The following ADA2 variants were observed in gnomAD, a reference collection of about 807,000 sequenced individuals.
ADA2 encodes the protein adenosine deaminase CECR1.
ADA2 carries 29 observed loss-of-function variants against 44.2 expected under a neutral mutation model. That is an observed-to-expected ratio of 0.66 (90% CI 0.49 to 0.89). ADA2 has a LOEUF of 0.89. ADA2 is among the 40% of genes least tolerant of loss of function. ADA2 has a pLI of 0.00. For synonymous variants in ADA2, 215 were observed against 234.9 expected (o/e 0.92, Z 0.77); for missense variants, 637 against 644.8 (o/e 0.99, Z 0.13).
At chr22:17,216,865 G>A (rs1343285036) in intron 1 of ADA2, among the ~76,000 whole-genome samples, 18 of 151,380 alleles carry the variant, frequency 1.2e-4, no homozygotes, top group African/African-American at 3.6e-4. Flanking sequence ...TATAACCAGA[G>A]CACAAGATCA....
intron 1 of ADA2, among the ~76,000 whole-genome samples, chr22:17,216,651 T>C (rs1431554393): frequency 2.0e-5 from 3 of 150,954 alleles, no homozygotes; most frequent in Admixed American, 6.6e-5. Context: ...TCCCAGCTAC[T>C]TGGGAGGCTG....
upstream of ADA2, among the ~76,000 whole-genome samples, chr22:17,220,859 G>T (rs2062517863): frequency 6.6e-6 from 1 of 152,160 alleles, no homozygotes; most frequent in African/African-American, 2.4e-5. Flanking sequence ...ACACAGAGGG[G>T]TCAGGGATTC....
At chr22:17,191,484 T>G (rs2062113849) in intron 5 of ADA2, among the ~76,000 whole-genome samples, 199 bp downstream of exon 5, 1 of 152,162 alleles carries the variant, frequency 6.6e-6, no homozygotes, top group Non-Finnish European at 1.5e-5. Flanking sequence ...TAGAAGTGGC[T>G]TCAGGCAGCA....
intron 5 of ADA2, among the ~76,000 whole-genome samples, chr22:17,191,225 A>G (rs1224588176): frequency 6.6e-6 from 1 of 152,224 alleles, no homozygotes; most frequent in African/African-American, 2.4e-5. Flanking sequence ...CGCACATGGT[A>G]CTACTGGAGG....
At chr22:17,207,346 C>T in intron 2 of ADA2, 56 bp from the exon 3 acceptor site, 2 of 1,322,458 alleles carry the variant, frequency 1.5e-6, no homozygotes, top group East Asian at 2.3e-5. Context: ...TCCCAGGACT[C>T]CAGGGCTTGG....
At chr22:17,189,620 G>A (rs1055739521) in intron 6 of ADA2, among the ~76,000 whole-genome samples, 6 of 152,196 alleles carry the variant, frequency 3.9e-5, no homozygotes, top group African/African-American at 1.4e-4. Context: ...AAGGGCACAG[G>A]CAGGGCCATG....
chr22:17,214,137 C>T, intron 1 of ADA2: 1 of 740,460 alleles, frequency 1.4e-6, no homozygotes, highest in South Asian at 1.4e-5. Flanking sequence ...ATTACATTCC[C>T]AGAGTCAGCT....
At chr22:17,192,128 A>G (rs2062124292) in intron 4 of ADA2, among the ~76,000 whole-genome samples, 1 of 151,986 alleles carries the variant, frequency 6.6e-6, no homozygotes, top group South Asian at 2.1e-4. Flanking sequence ...GCCAGGCTGG[A>G]CTTGTGCTTC....
intron 7 of ADA2, among the ~76,000 whole-genome samples, chr22:17,187,665 T>TAAAAAA (rs34113994): frequency 7.3e-6 from 1 of 136,824 alleles, no homozygotes; most frequent in Non-Finnish European, 1.6e-5. Flanking sequence ...CACGAAAAAT[T>TAAAAAA]AAAAAAAAAA....
chr22:17,189,539 C>A (rs1383536113), intron 6 of ADA2, among the ~76,000 whole-genome samples: 1 of 152,170 alleles, frequency 6.6e-6, no homozygotes, highest in Non-Finnish European at 1.5e-5. Flanking sequence ...CCCCAGTCCC[C>A]ACCCCGCGTG....
At chr22:17,183,908 A>T (rs564239105) in intron 7 of ADA2, among the ~76,000 whole-genome samples, 2 of 150,404 alleles carry the variant, frequency 1.3e-5, no homozygotes, top group East Asian at 3.9e-4. Flanking sequence ...ATGACCGCAG[A>T]CAGTCTTGTG....
At chr22:17,219,244 C>T (rs1181475359) in intron 1 of ADA2, 112 bp downstream of exon 1, 1 of 152,304 alleles carries the variant, frequency 6.6e-6, no homozygotes, top group African/African-American at 2.4e-5. Flanking sequence ...GAGTCTCAGA[C>T]CCAGCTCAGA....
At position 17,179,553 on chromosome 22, in the gene ADA2, G is replaced by GAACTTGA. The variant is rs1262417825; in HGVS notation, c.*1923_*1929dup. On this transcript the variant is annotated 3_prime_UTR_variant, in exon 10 of 10. Coordinates refer to ENST00000399837, the MANE Select transcript of ADA2 (RefSeq NM_001282225.2). ...GAAAACCTCTCTGAGACAGTGACAT[G>GAACTTGA]AACTTGAAACTTGAAGGGTAAACAG... 1 of 152,274 alleles carries GAACTTGA rather than the reference G, an allele frequency of 6.6e-6. No homozygotes were observed. Among genetic ancestry groups the GAACTTGA allele is most frequent in the Non-Finnish European group, 1.5e-5 (1 of 68,080 alleles). The allele number at this position is 152,274 out of a possible 1,614,324, so 9.4% of individuals were successfully genotyped here.
intron 2 of ADA2, 71 bp downstream of exon 2, chr22:17,209,285 G>T: frequency 7.9e-7 from 1 of 1,261,546 alleles, no homozygotes; most frequent in Non-Finnish European, 1.1e-6. Context: ...ACAGCCACAA[G>T]CACAGTAATA....
At chr22:17,204,129 C>A (rs1457327524) in intron 3 of ADA2, among the ~76,000 whole-genome samples, 1 of 151,822 alleles carries the variant, frequency 6.6e-6, no homozygotes, top group Non-Finnish European at 1.5e-5. Context: ...CTCTTTTTTT[C>A]TTCCTATACC....
At chr22:17,195,607 G>A (rs1269882244) in intron 4 of ADA2, among the ~76,000 whole-genome samples, 1 of 152,102 alleles carries the variant, frequency 6.6e-6, no homozygotes, top group Non-Finnish European at 1.5e-5. Context: ...CCAGGCTGGA[G>A]TGTGGTGGTG....
At chr22:17,185,279 T>C (rs2062023001) in intron 7 of ADA2, among the ~76,000 whole-genome samples, 1 of 150,928 alleles carries the variant, frequency 6.6e-6, no homozygotes, top group South Asian at 2.1e-4. Context: ...CCGGGCGTGG[T>C]GGCAGGCGCC....
At chr22:17,198,747 T>C (rs762224190) in intron 4 of ADA2, 8 of 152,198 alleles carry the variant, frequency 5.3e-5, no homozygotes, top group African/African-American at 9.7e-5. Context: ...AAGAGCCCCA[T>C]GCTAAAGACT....
intron 7 of ADA2, among the ~76,000 whole-genome samples, chr22:17,183,826 G>C (rs2123610291): frequency 6.6e-6 from 1 of 151,916 alleles, no homozygotes; most frequent in African/African-American, 2.4e-5. Context: ...GACAACATCA[G>C]TATAACTACC....
Sources: gnomAD v4.1 joint callset for allele counts (sites outside exome capture counted in the v4.1 genomes callset) on GRCh38, gnomAD v4.1.1 for gene constraint, MANE v1.5 for transcripts, NCBI Gene and HGNC (gene_info 2026-07-23, HGNC 2026-07-21) for gene names.